ROBO2: variants seen among roughly 807,000 people sequenced by gnomAD.
The protein encoded by ROBO2 is roundabout homolog 2.
A neutral mutation model predicts 160.8 loss-of-function variants in ROBO2; 53 were observed. That is an observed-to-expected ratio of 0.33 (90% CI 0.26 to 0.41). The LOEUF (loss-of-function observed/expected upper bound fraction) is 0.41, where lower values mean the gene tolerates loss of function less well. Ranked by LOEUF, ROBO2 falls within the 10% of genes least tolerant of loss-of-function variation. The pLI is 1.00. For synonymous variants in ROBO2, 664 were observed against 611.7 expected (o/e 1.09, Z -1.26); for missense variants, 1,577 against 1,722.4 (o/e 0.92, Z 1.49).
At chr3:77,272,080 T>G (rs2059527167) in intron 2 of ROBO2, among the ~76,000 whole-genome samples, 1 of 152,184 alleles carries the variant, frequency 6.6e-6, no homozygotes. Flanking sequence ...AAAAATACTA[T>G]TTTTCTTTCC....
At chr3:77,443,429 G>A (rs2080151379) in intron 2 of ROBO2, among the ~76,000 whole-genome samples, 1 of 151,880 alleles carries the variant, frequency 6.6e-6, no homozygotes, top group African/African-American at 2.4e-5. Context: ...AATAGTCTAA[G>A]TGCCACTCAT....
chr3:76,015,644 C>T (rs370371784), intron 2 of ROBO2, among the ~76,000 whole-genome samples: 4 of 152,130 alleles, frequency 2.6e-5, no homozygotes, highest in Non-Finnish European at 4.4e-5. Flanking sequence ...ATTTAGTATG[C>T]GACACAAAAT....
At chr3:76,692,897 C>CTA (rs970784649) in intron 2 of ROBO2, among the ~76,000 whole-genome samples, 5 of 150,540 alleles carry the variant, frequency 3.3e-5, no homozygotes, top group East Asian at 3.9e-4. Context: ...CTCTCTCTCT[C>CTA]TCTATATATA....
At chr3:77,516,970 G>C (rs1459110724) in intron 5 of ROBO2, among the ~76,000 whole-genome samples, 1 of 151,538 alleles carries the variant, frequency 6.6e-6, no homozygotes, top group Non-Finnish European at 1.5e-5. Context: ...CTCAGGCACT[G>C]TTTGGTTAGA....
intron 2 of ROBO2, among the ~76,000 whole-genome samples, chr3:75,967,481 G>A (rs957088853): frequency 6.6e-6 from 1 of 151,338 alleles, no homozygotes; most frequent in Non-Finnish European, 1.5e-5. Context: ...GCAAAAAGGG[G>A]TATAACCACA....
chr3:76,050,758 T>C (rs1425901963), intron 2 of ROBO2, among the ~76,000 whole-genome samples: 1 of 152,218 alleles, frequency 6.6e-6, no homozygotes, highest in Non-Finnish European at 1.5e-5. Context: ...ATAAATGCCT[T>C]CTTCCCTCCT....
At chr3:77,041,044 T>C (rs1238251756) in intron 1 of ROBO2, among the ~76,000 whole-genome samples, 198 bp downstream of exon 1, 1 of 152,248 alleles carries the variant, frequency 6.6e-6, no homozygotes, top group Non-Finnish European at 1.5e-5. Flanking sequence ...TGGAATGTGT[T>C]GGTAGTCACC....
At chr3:77,221,801 T>A (rs1202258855) in intron 2 of ROBO2, among the ~76,000 whole-genome samples, 1 of 151,960 alleles carries the variant, frequency 6.6e-6, no homozygotes, top group Non-Finnish European at 1.5e-5. Context: ...ATATTTGTTT[T>A]AAAAAATTGA....
chr3:77,464,850 A>G (rs1008156673), intron 2 of ROBO2, among the ~76,000 whole-genome samples: 2 of 152,354 alleles, frequency 1.3e-5, no homozygotes, highest in Non-Finnish European at 2.9e-5. Context: ...GACATTTGTC[A>G]TAAGGCCCTA....
At chr3:76,279,269 T>G (rs546182413) in intron 2 of ROBO2, among the ~76,000 whole-genome samples, 1 of 151,802 alleles carries the variant, frequency 6.6e-6, no homozygotes, top group South Asian at 2.1e-4. Flanking sequence ...AGATTTTTTT[T>G]AAAAAGAGCT....
chr3:76,506,673 G>C (rs1159231537), intron 2 of ROBO2, among the ~76,000 whole-genome samples: 1 of 152,064 alleles, frequency 6.6e-6, no homozygotes, highest in Non-Finnish European at 1.5e-5. Flanking sequence ...CATTTTATCA[G>C]ACAAGATGGT....
At chr3:76,444,073 C>G (rs2077053608) in intron 2 of ROBO2, among the ~76,000 whole-genome samples, 1 of 152,106 alleles carries the variant, frequency 6.6e-6, no homozygotes, top group African/African-American at 2.4e-5. Context: ...TCAAGCGATT[C>G]TCCTGCCTCA....
chr3:76,845,698 C>T (rs2068713584), intron 2 of ROBO2, among the ~76,000 whole-genome samples: 1 of 152,010 alleles, frequency 6.6e-6, no homozygotes, highest in Non-Finnish European at 1.5e-5. Flanking sequence ...TTTCTTCAAT[C>T]ATGCTTACAC....
At chr3:77,636,775 TGTTA>T (rs539770822) in intron 24 of ROBO2, among the ~76,000 whole-genome samples, 4 of 152,180 alleles carry the variant, frequency 2.6e-5, no homozygotes, top group Non-Finnish European at 5.9e-5. Flanking sequence ...GCTTAAACAC[TGTTA>T]GTTTCAGGAA....
chr3:75,908,365 A>G (rs530752658), intron 1 of ROBO2, among the ~76,000 whole-genome samples: 1 of 152,266 alleles, frequency 6.6e-6, no homozygotes, highest in South Asian at 2.1e-4. Context: ...TAAAACTTGC[A>G]TATTTAATGT....
At chr3:77,576,562 G>A (rs985439348) in intron 14 of ROBO2, among the ~76,000 whole-genome samples, 2 of 152,050 alleles carry the variant, frequency 1.3e-5, no homozygotes, top group Non-Finnish European at 2.9e-5. Context: ...TTTCCACAAA[G>A]TTATTATTTC....
chr3:76,116,648 C>G (rs565331248), intron 2 of ROBO2, among the ~76,000 whole-genome samples: 1 of 152,162 alleles, frequency 6.6e-6, no homozygotes, highest in South Asian at 2.1e-4. Context: ...CTTCTGTTAC[C>G]AGAGTCAAGG....
intron 2 of ROBO2, among the ~76,000 whole-genome samples, chr3:76,617,131 G>A (rs1427816869): frequency 3.3e-5 from 5 of 152,106 alleles, no homozygotes; most frequent in Non-Finnish European, 4.4e-5. Context: ...AACTAGCGTG[G>A]TCCAAAGCCC....
At position 77,315,511 on chromosome 3, in the gene ROBO2, T is replaced by G. The variant is rs9842980; in HGVS notation, c.389-161903T>G. Among the ~76,000 whole-genome samples the G allele has an allele frequency of 2.6e-3, 403 of 152,322 alleles. 1 individual carries two copies. Among genetic ancestry groups the G allele is most frequent in the African/African-American group, 9.2e-3 (384 of 41,562 alleles). On this transcript the variant is annotated intron_variant, in intron 2 of 25. Coordinates refer to ENST00000461745, the Ensembl canonical transcript of ROBO2. ...ACTTAATCAAATAAAATCATAAAAT[T>G]TAAAAGCTAGAAGTGACTTTGAATT...
Sources: gnomAD v4.1 joint callset for allele counts (sites outside exome capture counted in the v4.1 genomes callset) on GRCh38, gnomAD v4.1.1 for gene constraint, MANE v1.5 for transcripts, NCBI Gene and HGNC (gene_info 2026-07-23, HGNC 2026-07-21) for gene names.